The following MAPT variants were observed in gnomAD, a reference collection of about 807,000 sequenced individuals.
The protein encoded by MAPT is microtubule-associated protein tau.
MAPT carries 34 observed loss-of-function variants against 67.9 expected under a neutral mutation model. That is an observed-to-expected ratio of 0.50 (90% CI 0.38 to 0.67). MAPT has a LOEUF of 0.67. MAPT is among the 30% of genes least tolerant of loss of function. The pLI is 0.00. For synonymous variants in MAPT, 456 were observed against 464.5 expected, an observed-to-expected ratio of 0.98 and a Z score of 0.23; for missense variants, 881 against 1,115.2, an observed-to-expected ratio of 0.79 and a Z score of 2.99.
At chr17:45,999,064 G>A (rs1049502187) in intron 9 of MAPT, among the ~76,000 whole-genome samples, 9 of 152,184 alleles carry the variant, frequency 5.9e-5, no homozygotes, top group East Asian at 5.8e-4. Flanking sequence ...GGGGTTCCCC[G>A]CCCATGCACC....
chr17:45,961,775 G>GT (rs532052263), intron 1 of MAPT, among the ~76,000 whole-genome samples: 28,549 of 142,048 alleles, frequency 0.2, 3,320 homozygotes, highest in Middle Eastern at 0.34. Flanking sequence ...TATTTGTTTT[G>GT]TTTTTTTTTT....
At chr17:45,999,724 G>A (rs2074839312) in intron 9 of MAPT, 3 of 1,396,498 alleles carry the variant, frequency 2.1e-6, no homozygotes, top group South Asian at 1.4e-5. Flanking sequence ...GAGGCAGCAC[G>A]TCCAAATCTA....
intron 1 of MAPT, among the ~76,000 whole-genome samples, chr17:45,917,429 T>C (rs191006902): frequency 6.6e-6 from 1 of 152,326 alleles, no homozygotes; most frequent in African/African-American, 2.4e-5. Context: ...TGAGTCCAGG[T>C]AAATTTCCTT....
chr17:45,961,926 C>A (rs565313948), intron 1 of MAPT, among the ~76,000 whole-genome samples: 3 of 152,096 alleles, frequency 2.0e-5, no homozygotes, highest in Non-Finnish European at 4.4e-5. Flanking sequence ...CAGGCACCTG[C>A]CACATGCCTG....
chr17:45,952,873 T>C (rs1277821989), intron 1 of MAPT, among the ~76,000 whole-genome samples: 1 of 151,172 alleles, frequency 6.6e-6, no homozygotes, highest in East Asian at 1.9e-4. Context: ...AGTTGGGGGA[T>C]GTTTTATGGT....
At chr17:45,988,504 C>G (rs1254327768) in intron 6 of MAPT, among the ~76,000 whole-genome samples, 1 of 151,514 alleles carries the variant, frequency 6.6e-6, no homozygotes, top group East Asian at 1.9e-4. Context: ...GGTTCCAGGG[C>G]CCCCCCCAGC....
At chr17:46,014,453 A>T in intron 11 of MAPT, 129 bp downstream of exon 11, 1 of 747,362 alleles carries the variant, frequency 1.3e-6, no homozygotes, top group Non-Finnish European at 2.4e-6. Context: ...ACATCAAGGA[A>T]AGTGTTGAGT....
At chr17:46,013,696 C>A (rs751053021) in intron 10 of MAPT, among the ~76,000 whole-genome samples, 7 of 152,162 alleles carry the variant, frequency 4.6e-5, no homozygotes, top group Non-Finnish European at 1.0e-4. Flanking sequence ...TTCCAGGGTC[C>A]GTGGAAGCTT....
intron 1 of MAPT, among the ~76,000 whole-genome samples, chr17:45,916,140 A>C (rs1034156443): frequency 2.8e-4 from 42 of 152,236 alleles, no homozygotes; most frequent in Non-Finnish European, 4.4e-4. Flanking sequence ...GCGCAGCCCC[A>C]GGGCCCTGCT....
chr17:45,897,228 G>A lies in MAPT; in HGVS notation c.-18+2542G>A, dbSNP rs7224541. The A allele has an allele frequency of 0.14, 21,453 of 152,282 alleles. 1,738 individuals carry two copies. Among genetic ancestry groups the A allele is most frequent in the African/African-American group, 0.23 (9,486 of 41,532 alleles). 9.4% of individuals were successfully genotyped at this position (152,282 alleles called of 1,614,324 possible). ...GGAGCGAGGGTCTCGGGGTGGCCCC[G>A]GAAAAGGGGAGCCCGCGGCCACGGC... On this transcript the variant is annotated intron_variant, in intron 1 of 12. Coordinates refer to ENST00000262410, the MANE Select transcript of MAPT (RefSeq NM_001377265.1). The surrounding 1 kb of genome is among the most constrained non-coding windows in gnomAD (Gnocchi z 5.0).
chr17:45,992,883 T>C (rs570312365), intron 8 of MAPT, among the ~76,000 whole-genome samples: 8 of 141,128 alleles, frequency 5.7e-5, no homozygotes, highest in Admixed American at 2.8e-4. Flanking sequence ...AAAAGTGAGA[T>C]TCCTTCTCAA....
chr17:46,006,784 A>G (rs577195701), intron 9 of MAPT, among the ~76,000 whole-genome samples: 140 of 151,982 alleles, frequency 9.2e-4, no homozygotes, highest in African/African-American at 3.1e-3. Flanking sequence ...TTAGCCGGGC[A>G]TGGTGGTGGG....
chr17:45,985,176 G>A (rs969174256), intron 5 of MAPT, among the ~76,000 whole-genome samples: 4 of 152,040 alleles, frequency 2.6e-5, no homozygotes, highest in South Asian at 2.1e-4. Flanking sequence ...GTGGTGGCGG[G>A]CACCTGTAGT....
chr17:45,916,090 C>T (rs1035813733), intron 1 of MAPT, among the ~76,000 whole-genome samples: 10 of 152,192 alleles, frequency 6.6e-5, no homozygotes, highest in African/African-American at 2.2e-4. Flanking sequence ...CCAGAATTCC[C>T]GCTTTTCAGC....
At chr17:46,019,139 A>C (rs1288595258) in intron 12 of MAPT, among the ~76,000 whole-genome samples, 5 of 152,302 alleles carry the variant, frequency 3.3e-5, no homozygotes, top group Non-Finnish European at 5.9e-5. Context: ...GGAGGCCTCA[A>C]AATCATGGCG....
chr17:45,917,059 C>T (rs1436758678), intron 1 of MAPT, among the ~76,000 whole-genome samples: 1 of 152,232 alleles, frequency 6.6e-6, no homozygotes, highest in Non-Finnish European at 1.5e-5. Context: ...TGACAGACTT[C>T]GGTCATGGGA....
At chr17:45,994,198 G>A (rs1222029258) in intron 8 of MAPT, among the ~76,000 whole-genome samples, 1 of 152,212 alleles carries the variant, frequency 6.6e-6, no homozygotes, top group Non-Finnish European at 1.5e-5. Flanking sequence ...CTTGACTTCA[G>A]GGACAATGGC....
Position 45,922,486 on chromosome 17 carries a change from A to AACACACACACACACAC in MAPT, c.-18+27818_-18+27833dup, listed in dbSNP as rs59017604. On this transcript the variant is annotated intron_variant, in intron 1 of 12. Coordinates refer to ENST00000262410, the MANE Select transcript of MAPT (RefSeq NM_001377265.1). ...TCCCGTCCCTGCAGGCTAGCTAGAGAACACACACACACACACACACACACA... is the reference window on the plus strand; with the variant it reads ...TCCCGTCCCTGCAGGCTAGCTAGAGAACACACACACACACACACACACACACACACACACACACACA... Among the ~76,000 whole-genome samples, 1,128 of 146,568 alleles carry AACACACACACACACAC rather than the reference A, an allele frequency of 7.7e-3. 7 individuals are homozygous for AACACACACACACACAC. The highest frequency in any genetic ancestry group is 0.017 in the Middle Eastern group (5 of 288).
intron 12 of MAPT, among the ~76,000 whole-genome samples, 166 bp downstream of exon 12, chr17:46,018,896 C>G (rs2076351654): frequency 6.6e-6 from 1 of 152,190 alleles, no homozygotes; most frequent in Admixed American, 6.5e-5. Context: ...CACTGCCTGT[C>G]TCAATCACCT....
Sources: allele counts gnomAD v4.1 joint callset (sites outside exome capture counted in the v4.1 genomes callset), GRCh38; gene constraint gnomAD v4.1.1; non-coding constraint Gnocchi (gnomAD v3.1); transcripts MANE v1.5; gene names NCBI Gene and HGNC (gene_info 2026-07-23, HGNC 2026-07-21).